Variants in HPSE2 observed in about 807,000 individuals in gnomAD.
HPSE2 encodes the protein heparanase 2 (inactive), also known as inactive heparanase-2.
In HPSE2, 38 loss-of-function variants were observed where a neutral mutation model predicts 60.5. The ratio of observed to expected loss-of-function variants is 0.63; its 90% CI spans 0.48 to 0.82. The LOEUF (loss-of-function observed/expected upper bound fraction) is 0.82, where lower values mean the gene tolerates loss of function less well. HPSE2 is among the 40% of genes least tolerant of loss of function. The pLI is 0.00. For missense variants in HPSE2, 713 were observed against 740.4 expected (o/e 0.96, Z 0.43); for synonymous variants, 295 against 293.2 (o/e 1.01, Z -0.06).
chr10:98,463,163 C>CATAG (rs1940375344), intron 11 of HPSE2, among the ~76,000 whole-genome samples: 1 of 152,134 alleles, frequency 6.6e-6, no homozygotes, highest in Non-Finnish European at 1.5e-5. Context: ...TGCCTCCTAA[C>CATAG]CTATCTCTGT....
chr10:98,698,500 G>A (rs576511622), intron 5 of HPSE2, among the ~76,000 whole-genome samples: 3 of 152,136 alleles, frequency 2.0e-5, no homozygotes, highest in Non-Finnish European at 4.4e-5. Context: ...AGTGTGAAGA[G>A]GGAAATTTAT....
the HPSE2 span, among the ~76,000 whole-genome samples, chr10:99,302,431 G>T: frequency 6.7e-6 from 1 of 150,322 alleles, no homozygotes; most frequent in Middle Eastern, 3.2e-3. Context: ...CCAAAAGGGA[G>T]AAATCTCTAT....
At chr10:98,604,419 T>C (rs945466399) in intron 9 of HPSE2, among the ~76,000 whole-genome samples, 16 of 152,096 alleles carry the variant, frequency 1.1e-4, no homozygotes, top group African/African-American at 1.4e-4. Context: ...AATTTGAGGA[T>C]ATATCAATAG....
intron 6 of HPSE2, among the ~76,000 whole-genome samples, chr10:98,658,577 G>A (rs181511890): frequency 3.4e-4 from 52 of 151,616 alleles, no homozygotes; most frequent in African/African-American, 1.2e-3. Context: ...GGGTTGGTGA[G>A]CTTTATGTCC....
intron 3 of HPSE2, among the ~76,000 whole-genome samples, chr10:98,984,182 G>A (rs1271805235): frequency 6.6e-6 from 1 of 152,158 alleles, no homozygotes; most frequent in Non-Finnish European, 1.5e-5. Flanking sequence ...CTGAGAACGG[G>A]CAGACTGCCT....
At chr10:98,536,674 A>C (rs894881096) in intron 9 of HPSE2, among the ~76,000 whole-genome samples, 3 of 152,174 alleles carry the variant, frequency 2.0e-5, no homozygotes, top group African/African-American at 7.2e-5. Context: ...TTGCCAGGGA[A>C]GAGAACGTCT....
chr10:98,688,690 G>C (rs1286341331), intron 6 of HPSE2, among the ~76,000 whole-genome samples: 1 of 151,198 alleles, frequency 6.6e-6, no homozygotes, highest in Non-Finnish European at 1.5e-5. Context: ...TTATCAGGCT[G>C]GTCTTGAACT....
Position 98,592,049 on chromosome 10 carries a change from T to C in HPSE2, c.1320+22855A>G, listed in dbSNP as rs113149427. ...GTCCTTCCCTAAAGAAGGTATCCTG[T>C]TGGAACTTAAGCTTCAGTTTCTCTT... On this transcript the variant is annotated intron_variant, in intron 9 of 11. Coordinates refer to ENST00000370552, the MANE Select transcript of HPSE2 (RefSeq NM_021828.5). Among the ~76,000 whole-genome samples the C allele has an allele frequency of 4.3e-3, 653 of 152,324 alleles. 3 individuals are homozygous for C. Among genetic ancestry groups the C allele is most frequent in the African/African-American group, 0.015 (629 of 41,580 alleles).
chr10:98,660,835 T>C (rs1304136564), intron 6 of HPSE2, among the ~76,000 whole-genome samples: 2 of 152,218 alleles, frequency 1.3e-5, no homozygotes, highest in African/African-American at 4.8e-5. Context: ...CTGTCTTTCA[T>C]CTATATGGAA....
intron 3 of HPSE2, among the ~76,000 whole-genome samples, chr10:98,847,653 G>C (rs1404626720): frequency 6.6e-6 from 1 of 152,234 alleles, no homozygotes; most frequent in Non-Finnish European, 1.5e-5. Flanking sequence ...AATGGTAGTG[G>C]TGATACATGC....
At chr10:98,861,802 G>A (rs1181613870) in intron 3 of HPSE2, among the ~76,000 whole-genome samples, 4 of 152,086 alleles carry the variant, frequency 2.6e-5, no homozygotes, top group Non-Finnish European at 5.9e-5. Flanking sequence ...AGGGGATGCA[G>A]GAAAAAGGAC....
At chr10:98,940,604 C>G (rs1284061541) in intron 3 of HPSE2, among the ~76,000 whole-genome samples, 2 of 138,540 alleles carry the variant, frequency 1.4e-5, no homozygotes, top group East Asian at 4.1e-4. Flanking sequence ...GCTTACCAAC[C>G]AAAAAGAGTC....
chr10:99,310,169 C>T, the HPSE2 span, among the ~76,000 whole-genome samples: 1 of 152,158 alleles, frequency 6.6e-6, no homozygotes, highest in Non-Finnish European at 1.5e-5. Context: ...TTAGGGCCCA[C>T]CTGGAAAATC....
chr10:98,563,030 A>G (rs500329), intron 9 of HPSE2, among the ~76,000 whole-genome samples: 6,583 of 152,252 alleles, frequency 0.043, 156 homozygotes, highest in South Asian at 0.088. Flanking sequence ...GTGTTCCTCA[A>G]AAGGTTACAC....
At chr10:99,097,956 G>A (rs1361416020) in intron 3 of HPSE2, among the ~76,000 whole-genome samples, 1 of 152,192 alleles carries the variant, frequency 6.6e-6, no homozygotes, top group East Asian at 1.9e-4. Flanking sequence ...GATGTGGCTA[G>A]GGCTTCTATG....
intron 2 of HPSE2, among the ~76,000 whole-genome samples, chr10:99,216,070 T>A (rs1849110905): frequency 6.6e-6 from 1 of 152,174 alleles, no homozygotes. Context: ...ATCTAAAAAA[T>A]GTTTGTCATG....
chr10:99,218,956 A>G (rs1205346776), intron 2 of HPSE2, among the ~76,000 whole-genome samples: 1 of 152,244 alleles, frequency 6.6e-6, no homozygotes, highest in Non-Finnish European at 1.5e-5. Flanking sequence ...TGAGAATAAC[A>G]TACCTATCAG....
chr10:99,184,000 A>C (rs1262672209), intron 2 of HPSE2, among the ~76,000 whole-genome samples: 1 of 152,186 alleles, frequency 6.6e-6, no homozygotes, highest in Non-Finnish European at 1.5e-5. Context: ...AAAAAACAAA[A>C]AAACTGACTC....
chr10:98,579,463 TC>T, intron 9 of HPSE2, among the ~76,000 whole-genome samples: 1 of 152,184 alleles, frequency 6.6e-6, no homozygotes, highest in Non-Finnish European at 1.5e-5. Flanking sequence ...GGTAAGCAAG[TC>T]ACTCAGCTTT....
Sources: allele counts gnomAD v4.1 joint callset (sites outside exome capture counted in the v4.1 genomes callset), GRCh38; gene constraint gnomAD v4.1.1; transcripts MANE v1.5; gene names NCBI Gene and HGNC (gene_info 2026-07-23, HGNC 2026-07-21).